The following ROBO1 variants were observed in gnomAD, a reference collection of about 807,000 sequenced individuals.
ROBO1 encodes the protein roundabout guidance receptor 1, also known as roundabout homolog 1.
Under a neutral mutation model 195.9 loss-of-function variants are expected in ROBO1, and 149 were observed. The ratio of observed to expected loss-of-function variants is 0.76; its 90% CI spans 0.67 to 0.87. The LOEUF is 0.87. ROBO1 is among the 40% of genes least tolerant of loss of function. The pLI is 0.00. For missense variants in ROBO1, 1,933 were observed against 2,068.3 expected (o/e 0.93, Z 1.27); for synonymous variants, 816 against 733.2 (o/e 1.11, Z -1.82).
rs574260372 is a variant in ROBO1 at position 79,442,577 on chromosome 3, T to C, written c.88+147247A>G. Among the ~76,000 whole-genome samples, 606 of 151,934 alleles carry C rather than the reference T, an allele frequency of 4.0e-3. 5 individuals are homozygous for C. Among genetic ancestry groups the C allele is most frequent in the African/African-American group, 0.014 (567 of 41,436 alleles). On this transcript the variant is annotated intron_variant, in intron 2 of 30. Transcript: ENST00000464233. ...ATCCATACTCTAGTGACAGAGAGGG[T>C]TGTGGCTGTGGAAGTCTCACTTCTG... is the stretch of plus-strand genomic sequence containing the variant.
intron 2 of ROBO1, among the ~76,000 whole-genome samples, chr3:79,343,300 A>G (rs1399297099): frequency 6.6e-6 from 1 of 152,168 alleles, no homozygotes; most frequent in Non-Finnish European, 1.5e-5. Context: ...ACAAATAAAG[A>G]TGCACAGGTT....
intron 8 of ROBO1, among the ~76,000 whole-genome samples, chr3:78,689,568 C>T (rs1455473088): frequency 2.0e-5 from 3 of 151,712 alleles, no homozygotes; most frequent in South Asian, 2.1e-4. Flanking sequence ...GCTTTGTGCT[C>T]GGAAAAATGT....
rs1436594114 is a variant in ROBO1, at chr3:79,274,502, GTACT to G, written c.89-148967_89-148964del. On this transcript the variant is annotated intron_variant, in intron 2 of 30. Transcript: ENST00000464233. ...AAACCTACGGGATACAGCAAAAGCTGTACTTAGAGGACAGTTTATAGCTATAGGT... is the reference window on the plus strand; with the variant it reads ...AAACCTACGGGATACAGCAAAAGCTGTAGAGGACAGTTTATAGCTATAGGT... Among the ~76,000 whole-genome samples, 6 of 152,046 alleles carry G rather than the reference GTACT, an allele frequency of 3.9e-5. No individual in the cohort carries two copies. In the East Asian group the frequency reaches 1.2e-3, roughly 29 times the overall value.
At chr3:79,685,942 T>A (rs1196597300) in intron 1 of ROBO1, among the ~76,000 whole-genome samples, 5 of 152,122 alleles carry the variant, frequency 3.3e-5, no homozygotes, top group Non-Finnish European at 4.4e-5. Flanking sequence ...TAGACCAATA[T>A]CCTTGATGAA....
At position 79,595,769 on chromosome 3, in the gene ROBO1, GGTC is replaced by G. The variant is rs1413726475; in HGVS notation, c.-50-5811_-50-5809del. ...ATATAGAGCCTATGTTGCCCAAGAT[GGTC>G]TCGAACTTCTGGCCTCAAGATCCAT... is the stretch of plus-strand genomic sequence containing the variant. On this transcript the variant is annotated intron_variant, in intron 1 of 30. Coordinates refer to ENST00000464233, the MANE Select transcript of ROBO1 (RefSeq NM_002941.4). 7.4e-5 allele frequency among the ~76,000 whole-genome samples: 11 copies of G among 148,200 alleles called. No individual in the cohort carries two copies. The South Asian group carries it at 2.2e-3, about 29-fold the overall frequency.
At chr3:79,387,410 C>G (rs1454813774) in intron 2 of ROBO1, among the ~76,000 whole-genome samples, 1 of 150,770 alleles carries the variant, frequency 6.6e-6, no homozygotes, top group Non-Finnish European at 1.5e-5. Flanking sequence ...ACTTCACTTG[C>G]ATGCATAATT....
At chr3:78,629,307 T>A (rs4992611) in intron 25 of ROBO1, among the ~76,000 whole-genome samples, 7,109 of 151,874 alleles carry the variant, frequency 0.047, 195 homozygotes, top group African/African-American at 0.068. Flanking sequence ...GCTTTTTTTT[T>A]AAAAAAAACC....
intron 1 of ROBO1, among the ~76,000 whole-genome samples, chr3:79,619,159 G>A (rs149379456): frequency 6.8e-5 from 4 of 58,834 alleles, no homozygotes; most frequent in African/African-American, 1.2e-4. Flanking sequence ...GTCACCGCAG[G>A]GATGCCTGCC....
intron 2 of ROBO1, among the ~76,000 whole-genome samples, chr3:79,403,130 C>T (rs1417542018): frequency 6.6e-6 from 1 of 151,916 alleles, no homozygotes; most frequent in African/African-American, 2.4e-5. Flanking sequence ...ACCTCCCACC[C>T]TCTGTTTCTG....
intron 2 of ROBO1, among the ~76,000 whole-genome samples, chr3:79,573,398 A>C (rs1042274393): frequency 4.6e-5 from 7 of 152,116 alleles, no homozygotes; most frequent in African/African-American, 1.7e-4. Context: ...GTGCTCAATA[A>C]ATGGAATTTA....
At chr3:79,527,477 A>G (rs1941479549) in intron 2 of ROBO1, among the ~76,000 whole-genome samples, 1 of 152,186 alleles carries the variant, frequency 6.6e-6, no homozygotes, top group South Asian at 2.1e-4. Flanking sequence ...CAAGTGTTCA[A>G]ATTTTCTATG....
Position 79,108,551 on chromosome 3 carries a change from T to C in ROBO1, c.172+16905A>G, listed in dbSNP as rs1010754275. Among the ~76,000 whole-genome samples the C allele has an allele frequency of 2.6e-5, 4 of 151,900 alleles. No homozygotes were observed. In the East Asian group the frequency reaches 5.8e-4, roughly 22 times the overall value. ...ACCATTATTTAATTGTTGAATACAA[T>C]TCTGAATATTTCTGTGTATCACTAC... is the stretch of plus-strand genomic sequence containing the variant. On this transcript the variant is annotated intron_variant, in intron 3 of 30. Transcript: ENST00000464233.
At chr3:79,342,403 T>C (rs2034943660) in intron 2 of ROBO1, among the ~76,000 whole-genome samples, 1 of 152,100 alleles carries the variant, frequency 6.6e-6, no homozygotes, top group Non-Finnish European at 1.5e-5. Context: ...AGTGATAAAT[T>C]TGTCAGACAT....
At chr3:79,271,706 A>T (rs991032609) in intron 2 of ROBO1, among the ~76,000 whole-genome samples, 3 of 151,972 alleles carry the variant, frequency 2.0e-5, no homozygotes, top group Middle Eastern at 3.2e-3. Flanking sequence ...ATATATATAT[A>T]TGCATATGCT....
chr3:78,784,797 T>G (rs899677681), intron 4 of ROBO1, among the ~76,000 whole-genome samples: 2 of 152,192 alleles, frequency 1.3e-5, no homozygotes, highest in Admixed American at 1.3e-4. Flanking sequence ...TTAAATATGG[T>G]TAGCCATTTG....
At chr3:79,388,199 A>G (rs1340032918) in intron 2 of ROBO1, among the ~76,000 whole-genome samples, 1 of 152,184 alleles carries the variant, frequency 6.6e-6, no homozygotes, top group Non-Finnish European at 1.5e-5. Flanking sequence ...AAAATTATCT[A>G]TGTAACACAT....
At chr3:79,677,923 C>T (rs551250115) in intron 1 of ROBO1, among the ~76,000 whole-genome samples, 81 of 152,176 alleles carry the variant, frequency 5.3e-4, no homozygotes, top group African/African-American at 1.9e-3. Context: ...CAGAAACATT[C>T]ACATAATAAA....
intron 5 of ROBO1, among the ~76,000 whole-genome samples, chr3:78,722,420 TAA>T (rs1285955259): frequency 6.6e-6 from 1 of 152,136 alleles, no homozygotes; most frequent in East Asian, 1.9e-4. Context: ...ATAATATGAC[TAA>T]AAGCATATGG....
chr3:79,731,225 G>A (rs565673781), intron 1 of ROBO1, among the ~76,000 whole-genome samples: 2 of 152,196 alleles, frequency 1.3e-5, no homozygotes, highest in Non-Finnish European at 2.9e-5. Flanking sequence ...GTGTGTGAAG[G>A]CAGAATGAGT....
Sources: gnomAD v4.1 joint callset for allele counts (sites outside exome capture counted in the v4.1 genomes callset) on GRCh38, gnomAD v4.1.1 for gene constraint, MANE v1.5 for transcripts, NCBI Gene and HGNC (gene_info 2026-07-23, HGNC 2026-07-21) for gene names.